Variants in SMARCA2 observed in about 807,000 individuals in gnomAD.
SMARCA2 encodes the protein SWI/SNF-related matrix-associated actin-dependent regulator of chromatin subfamily A member 2.
A neutral mutation model predicts 199.8 loss-of-function variants in SMARCA2; 61 were observed. That is an observed-to-expected ratio of 0.31 (90% CI 0.25 to 0.38). The LOEUF is 0.38. Ranked by LOEUF, SMARCA2 falls within the 10% of genes least tolerant of loss-of-function variation. The pLI, the probability that SMARCA2 is intolerant of heterozygous loss-of-function variation, is 1.00. For synonymous variants in SMARCA2, 935 were observed against 732.0 expected, an observed-to-expected ratio of 1.28 and a Z score of -4.48; for missense variants, 1,344 against 2,012.2, an observed-to-expected ratio of 0.67 and a Z score of 6.35.
In SMARCA2 at chr9:2,056,573, CG is replaced by C; in HGVS notation, c.1174-98del. On this transcript the variant is annotated intron_variant, in intron 6 of 33. Transcript: ENST00000349721. This position sits in a 1 kb window ranked among gnomAD's most constrained non-coding sequence, Gnocchi z 4.0. ...GATTGAGAAGCTTGTGGAGATTCCC[CG>C]CCCCACTCTATTCCATTAAATGCAA... is the stretch of plus-strand genomic sequence containing the variant. 9.5e-7 allele frequency: 1 copy of C among 1,055,402 alleles called. No individual in the cohort carries two copies. The highest frequency in any genetic ancestry group is 1.3e-6 in the Non-Finnish European group (1 of 741,594). 65.4% of individuals were successfully genotyped at this position (1,055,402 alleles called of 1,614,324 possible).
chr9:2,158,842 C>A (rs1253771082), intron 27 of SMARCA2: 13 of 1,154,808 alleles, frequency 1.1e-5, no homozygotes, highest in Non-Finnish European at 1.6e-5. Flanking sequence ...GAATTGATTT[C>A]CATTAGAAAA....
intron 4 of SMARCA2, chr9:2,042,424 G>A (rs1396012135): frequency 2.6e-5 from 4 of 152,180 alleles, no homozygotes; most frequent in Non-Finnish European, 5.9e-5. Context: ...TTTTAAGAAC[G>A]AGCTAGACTC....
At chr9:2,084,847 A>C (rs1400992050) in intron 17 of SMARCA2, among the ~76,000 whole-genome samples, 1 of 152,228 alleles carries the variant, frequency 6.6e-6, no homozygotes, top group Non-Finnish European at 1.5e-5. Flanking sequence ...TTAGCCACAA[A>C]GTAGAAATTT....
rs192267788 is a variant in SMARCA2 at position 2,053,567 on chromosome 9, G to T, written c.1047-1030G>T. The stretch of plus-strand genomic sequence containing the variant: ...ACCTTACAGAGGCGTGTCTGTGTGT[G>T]TAAGAGAGAGACAATTAAATAACAT... On this transcript the variant is annotated intron_variant, in intron 5 of 33. Coordinates refer to ENST00000349721, the MANE Select transcript of SMARCA2 (RefSeq NM_003070.5). Among the ~76,000 whole-genome samples the T allele has an allele frequency of 2.3e-3, 343 of 152,270 alleles. 1 individual carries two copies. Among genetic ancestry groups the T allele is most frequent in the Middle Eastern group, 0.014 (4 of 294 alleles).
At chr9:2,103,952 A>G (rs748327619) in intron 22 of SMARCA2, 51 bp from the exon 23 acceptor site, 3 of 1,557,050 alleles carry the variant, frequency 1.9e-6, no homozygotes, top group Non-Finnish European at 1.8e-6. Flanking sequence ...GGATTTTTTA[A>G]GAAGACAGAA....
chr9:2,159,927 T>A, intron 27 of SMARCA2: 1 of 1,601,666 alleles, frequency 6.2e-7, no homozygotes, highest in South Asian at 1.1e-5. Context: ...TCCTTTTTCG[T>A]TGCCGTCTTG....
chr9:2,180,508 G>C (rs1188711285), intron 29 of SMARCA2, among the ~76,000 whole-genome samples: 1 of 152,160 alleles, frequency 6.6e-6, no homozygotes, highest in Admixed American at 6.5e-5. Context: ...CAAGCTCCTA[G>C]AATCACCTTC....
At chr9:2,105,041 A>G (rs1822690978) in intron 23 of SMARCA2, among the ~76,000 whole-genome samples, 1 of 152,208 alleles carries the variant, frequency 6.6e-6, no homozygotes, top group African/African-American at 2.4e-5. Context: ...TTTATGTTTC[A>G]TTAAAAGACT....
chr9:2,193,415 A>ATAGTGTATTGGATGGCTTCTTTT lies in SMARCA2; in HGVS notation c.*677_*699dup, dbSNP rs1828029648. Reference sequence around the variant, plus strand: ...AGCGCTATTGAATATTGCAATCTATATAGTGTATTGGATGGCTTCTTTTGT... The same window carrying ATAGTGTATTGGATGGCTTCTTTT: ...AGCGCTATTGAATATTGCAATCTATATAGTGTATTGGATGGCTTCTTTTTAGTGTATTGGATGGCTTCTTTTGT... On this transcript the variant is annotated 3_prime_UTR_variant, in exon 34 of 34. Coordinates refer to ENST00000349721, the MANE Select transcript of SMARCA2 (RefSeq NM_003070.5). 1 of 152,788 alleles carries ATAGTGTATTGGATGGCTTCTTTT rather than the reference A, an allele frequency of 6.5e-6. No individual in the cohort carries two copies. The highest frequency in any genetic ancestry group is 1.9e-4 in the East Asian group (1 of 5,184). 9.5% of individuals were successfully genotyped at this position (152,788 alleles called of 1,614,324 possible). A position where few individuals can be genotyped will look rare whatever the true frequency, so the allele number is the denominator to read the frequency against.
At chr9:2,023,248 C>T (rs1290832208) in intron 1 of SMARCA2, among the ~76,000 whole-genome samples, 1 of 152,160 alleles carries the variant, frequency 6.6e-6, no homozygotes, top group African/African-American at 2.4e-5. Flanking sequence ...ACAGAGCTGC[C>T]TCACAGCCTT....
intron 32 of SMARCA2, among the ~76,000 whole-genome samples, chr9:2,186,682 C>G (rs187808160): frequency 6.6e-6 from 1 of 152,102 alleles, no homozygotes; most frequent in African/African-American, 2.4e-5. Context: ...TGTGCCACCA[C>G]GCCCGGCTAA....
At chr9:2,071,214 A>G (rs1219210854) in intron 10 of SMARCA2, among the ~76,000 whole-genome samples, 2 of 152,080 alleles carry the variant, frequency 1.3e-5, no homozygotes, top group Admixed American at 1.3e-4. Flanking sequence ...CACTCTGCAC[A>G]CAGTTGTATT....
Position 2,068,271 on chromosome 9 carries a change from G to A in SMARCA2, c.1693-2147G>A, listed in dbSNP as rs188904471. On this transcript the variant is annotated intron_variant, in intron 9 of 33. Transcript: ENST00000349721. ...CTTTGAAGCTGATCATTTCTTTTGA[G>A]CTTATAAATGTTTTTGCTCTGAGGT... Among the ~76,000 whole-genome samples the A allele has an allele frequency of 4.1e-3, 620 of 152,220 alleles. 2 individuals are homozygous for A. Among genetic ancestry groups the A allele is most frequent in the South Asian group, 0.017 (80 of 4,816 alleles).
At chr9:2,112,994 T>C (rs1823069029) in intron 24 of SMARCA2, among the ~76,000 whole-genome samples, 2 of 152,230 alleles carry the variant, frequency 1.3e-5, no homozygotes, top group Non-Finnish European at 2.9e-5. Flanking sequence ...TCAGTTTGAA[T>C]ACTGGGTTTG....
intron 32 of SMARCA2, among the ~76,000 whole-genome samples, chr9:2,188,233 G>C (rs1332719755): frequency 6.6e-6 from 1 of 152,006 alleles, no homozygotes; most frequent in Non-Finnish European, 1.5e-5. Flanking sequence ...TGAATGTACT[G>C]TAACGTGTTA....
intron 29 of SMARCA2, among the ~76,000 whole-genome samples, chr9:2,174,408 G>C (rs1000831576): frequency 2.6e-5 from 4 of 152,100 alleles, no homozygotes; most frequent in African/African-American, 7.2e-5. Context: ...CACTCCTTTA[G>C]AATCACACCT....
At chr9:2,081,390 G>A (rs1821560831) in intron 14 of SMARCA2, among the ~76,000 whole-genome samples, 1 of 152,206 alleles carries the variant, frequency 6.6e-6, no homozygotes, top group South Asian at 2.1e-4. Flanking sequence ...TGGCTCCCTG[G>A]TCAGTCCGCC....
At chr9:2,024,398 G>C (rs988652657) in intron 1 of SMARCA2, among the ~76,000 whole-genome samples, 1 of 152,090 alleles carries the variant, frequency 6.6e-6, no homozygotes, top group East Asian at 1.9e-4. Context: ...GCACAAGTCT[G>C]ATTTCCGTAT....
chr9:2,172,384 T>C (rs2129749351), intron 29 of SMARCA2, among the ~76,000 whole-genome samples: 1 of 145,264 alleles, frequency 6.9e-6, no homozygotes, highest in East Asian at 2.1e-4. Context: ...CGCTTCTAAC[T>C]GGCTGTGAGC....
Sources: gnomAD v4.1 joint callset for allele counts (sites outside exome capture counted in the v4.1 genomes callset) on GRCh38, gnomAD v4.1.1 for gene constraint, Gnocchi (gnomAD v3.1) non-coding constraint, MANE v1.5 for transcripts, NCBI Gene and HGNC (gene_info 2026-07-23, HGNC 2026-07-21) for gene names.